Variants in TCF7L2 observed in about 807,000 individuals in gnomAD.
TCF7L2 encodes the protein transcription factor 7-like 2.
In TCF7L2, 23 loss-of-function variants were observed where a neutral mutation model predicts 77.9. The observed-to-expected ratio is 0.30, with a 90% CI of 0.21 to 0.42. The LOEUF (loss-of-function observed/expected upper bound fraction) is 0.42, where lower values mean the gene tolerates loss of function less well. Ranked by LOEUF, TCF7L2 falls within the 10% of genes least tolerant of loss-of-function variation. The pLI is 1.00. For missense variants in TCF7L2, 654 were observed against 793.1 expected (o/e 0.82, Z 2.11); for synonymous variants, 413 against 340.2 (o/e 1.21, Z -2.36).
At chr10:112,956,344 CTTTTTTTTT>C (rs10711698) in intron 3 of TCF7L2, among the ~76,000 whole-genome samples, 1 of 112,250 alleles carries the variant, frequency 8.9e-6, no homozygotes, top group Non-Finnish European at 1.8e-5. Flanking sequence ...AGTGATTTAC[CTTTTTTTTT>C]TTTTTTTTTT....
chr10:112,992,768 C>T (rs1006546884), intron 4 of TCF7L2, among the ~76,000 whole-genome samples: 3 of 145,214 alleles, frequency 2.1e-5, no homozygotes, highest in Non-Finnish European at 4.6e-5. Context: ...ATTTTTCTTT[C>T]TTTTTTTTTT....
intron 6 of TCF7L2, among the ~76,000 whole-genome samples, chr10:113,141,957 A>G (rs774230596): frequency 1.3e-5 from 2 of 152,210 alleles, no homozygotes; most frequent in Admixed American, 1.3e-4. Context: ...AGAACAACCA[A>G]TGGGTGTCTG....
chr10:113,003,953 C>T (rs975942363), intron 4 of TCF7L2, among the ~76,000 whole-genome samples: 1 of 152,190 alleles, frequency 6.6e-6, no homozygotes, highest in Non-Finnish European at 1.5e-5. Flanking sequence ...GCGAAACATA[C>T]ACCTTTAGAG....
chr10:113,165,486 G>A (rs905375021), intron 13 of TCF7L2, 69 bp from the exon 15 acceptor site: 33 of 1,540,186 alleles, frequency 2.1e-5, no homozygotes, highest in Non-Finnish European at 2.8e-5. Flanking sequence ...TTGGGTGTGA[G>A]CATTAGGTAA....
chr10:112,989,869 TC>T (rs1227798520), intron 4 of TCF7L2, among the ~76,000 whole-genome samples: 2 of 152,174 alleles, frequency 1.3e-5, no homozygotes, highest in East Asian at 3.8e-4. Context: ...AGATTGGGCT[TC>T]CTCATGATTT....
intron 5 of TCF7L2, among the ~76,000 whole-genome samples, chr10:113,096,303 A>G (rs895457339): frequency 2.0e-5 from 3 of 152,210 alleles, no homozygotes; most frequent in Admixed American, 2.0e-4. Flanking sequence ...GAGAGGAACC[A>G]TATTTCAGCC....
intron 5 of TCF7L2, among the ~76,000 whole-genome samples, chr10:113,083,949 G>A (rs968836027): frequency 2.6e-5 from 4 of 152,084 alleles, no homozygotes; most frequent in African/African-American, 9.7e-5. Flanking sequence ...TCCTGGACAG[G>A]CCCTTTTACA....
chr10:113,140,340 C>T (rs888161305), intron 5 of TCF7L2, among the ~76,000 whole-genome samples: 1 of 151,466 alleles, frequency 6.6e-6, no homozygotes, highest in Non-Finnish European at 1.5e-5. Context: ...TGCTTTTCTT[C>T]CCCCCACCCT....
At chr10:113,146,181 G>C in intron 8 of TCF7L2, 84 bp downstream of exon 8, 1 of 1,218,524 alleles carries the variant, frequency 8.2e-7, no homozygotes, top group South Asian at 1.2e-5. Context: ...AGCCACCCAG[G>C]GACCACAGCT....
intron 5 of TCF7L2, among the ~76,000 whole-genome samples, chr10:113,128,641 A>T (rs1432521713): frequency 2.6e-5 from 4 of 152,162 alleles, no homozygotes; most frequent in Non-Finnish European, 5.9e-5. Flanking sequence ...GCTTTTGAAG[A>T]GGGTGAAATG....
At chr10:113,008,080 T>A (rs2045878624) in intron 4 of TCF7L2, among the ~76,000 whole-genome samples, 1 of 152,212 alleles carries the variant, frequency 6.6e-6, no homozygotes, top group Non-Finnish European at 1.5e-5. Context: ...AAGCGACCCA[T>A]CGTCTTCTCC....
At chr10:113,110,581 A>G (rs1326775281) in intron 5 of TCF7L2, among the ~76,000 whole-genome samples, 1 of 152,188 alleles carries the variant, frequency 6.6e-6, no homozygotes, top group Admixed American at 6.5e-5. Context: ...CCCCAAAATT[A>G]TAGTGAAGGA....
chr10:113,042,128 C>T (rs1435077167), intron 5 of TCF7L2, among the ~76,000 whole-genome samples: 5 of 152,154 alleles, frequency 3.3e-5, no homozygotes, highest in Non-Finnish European at 7.3e-5. Context: ...ACAACCTGGG[C>T]CCTAAGCATC....
At chr10:112,988,985 G>A (rs537146207) in intron 4 of TCF7L2, among the ~76,000 whole-genome samples, 19 of 152,264 alleles carry the variant, frequency 1.2e-4, no homozygotes, top group Non-Finnish European at 2.4e-4. Flanking sequence ...AAGTGGCAGC[G>A]CTGGATTGAG....
At chr10:113,120,443 G>A (rs1343827618) in intron 5 of TCF7L2, among the ~76,000 whole-genome samples, 1 of 152,072 alleles carries the variant, frequency 6.6e-6, no homozygotes, top group Non-Finnish European at 1.5e-5. Flanking sequence ...GACATTTTGG[G>A]GATTGGTACT....
chr10:112,951,641 CCCGCCCGCCCGCG>C (rs775209996), intron 3 of TCF7L2, 34 bp downstream of exon 3: 10 of 1,048,918 alleles, frequency 9.5e-6, no homozygotes, highest in Middle Eastern at 7.9e-4. Flanking sequence ...CCGCCCGCTG[CCCGCCCGCCCGCG>C]CCGCCCGCCG....
chr10:112,957,595 G>A (rs933283074), intron 3 of TCF7L2, among the ~76,000 whole-genome samples: 13 of 152,282 alleles, frequency 8.5e-5, no homozygotes, highest in Admixed American at 3.9e-4. Context: ...GGGTTTGGGG[G>A]AATTGAAATT....
At chr10:113,107,754 A>G (rs1287792015) in intron 5 of TCF7L2, among the ~76,000 whole-genome samples, 10 of 105,782 alleles carry the variant, frequency 9.5e-5, no homozygotes, top group African/African-American at 3.9e-4. Context: ...ACTCCGTCTA[A>G]AAAAAAAAAA....
chr10:112,959,128 C>A (rs781669987), intron 3 of TCF7L2, among the ~76,000 whole-genome samples: 1 of 151,850 alleles, frequency 6.6e-6, no homozygotes, highest in East Asian at 1.9e-4. Flanking sequence ...TCTCAAAAAT[C>A]AACCCAGAAA....
Sources: gnomAD v4.1 joint callset for allele counts (sites outside exome capture counted in the v4.1 genomes callset) on GRCh38, gnomAD v4.1.1 for gene constraint, MANE v1.5 for transcripts, NCBI Gene and HGNC (gene_info 2026-07-23, HGNC 2026-07-21) for gene names.